USO1: variants seen among roughly 807,000 people sequenced by gnomAD.
USO1 encodes USO1 vesicle transport factor.
USO1 carries 57 observed loss-of-function variants against 124.5 expected under a neutral mutation model. The observed-to-expected ratio is 0.46, with a 90% CI of 0.37 to 0.57. The LOEUF (loss-of-function observed/expected upper bound fraction) is 0.57. Among genes scored for constraint, USO1 ranks in the 20% least tolerant of loss-of-function variants. USO1 has a pLI of 0.00. For synonymous variants in USO1, 369 were observed against 362.8 expected, an observed-to-expected ratio of 1.02 and a Z score of -0.19; for missense variants, 900 against 1,040.6, an observed-to-expected ratio of 0.86 and a Z score of 1.86.
chr4:75,725,957 C>T (rs1720429551), intron 1 of USO1, among the ~76,000 whole-genome samples: 3 of 152,236 alleles, frequency 2.0e-5, no homozygotes, highest in Admixed American at 1.3e-4. Flanking sequence ...TGAGAGTATT[C>T]TCACCTTAAA....
chr4:75,770,278 A>G (rs1271432537), intron 4 of USO1, 161 bp from the exon 5 acceptor site: 1 of 503,410 alleles, frequency 2.0e-6, no homozygotes, highest in Non-Finnish European at 3.2e-6. Context: ...TATTTTAAGG[A>G]TATAGCTTTA....
chr4:75,754,988 C>T (rs1233678102), intron 3 of USO1, among the ~76,000 whole-genome samples: 1 of 152,202 alleles, frequency 6.6e-6, no homozygotes, highest in African/African-American at 2.4e-5. Flanking sequence ...CTGCAGTCAT[C>T]TGAAGGCTTG....
At chr4:75,730,377 G>A (rs1720595461) in intron 1 of USO1, among the ~76,000 whole-genome samples, 1 of 152,118 alleles carries the variant, frequency 6.6e-6, no homozygotes, top group Non-Finnish European at 1.5e-5. Flanking sequence ...TTGTAAGCAG[G>A]CACTGTGTTA....
At chr4:75,771,726 C>T (rs1721938778) in intron 7 of USO1, among the ~76,000 whole-genome samples, 1 of 152,142 alleles carries the variant, frequency 6.6e-6, no homozygotes, top group South Asian at 2.1e-4. Flanking sequence ...ATGATTTGCT[C>T]TGGACTTATT....
Position 75,793,781 on chromosome 4 carries a change from T to C in USO1, c.1332T>C (p.Leu444=). ...CAAACTGGTGTGCTGCTGTGGCCCT[T>C]GCCCATGCGTTGCAAGAAAATGCCA... ...SLSNWCAAVA[L]AHALQENATQ... is the part of the protein sequence containing the mutation. Residue 444 remains leucine (L), a synonymous_variant, in exon 13 of 24, where the codon CTT becomes CTC. Transcript: ENST00000514213. The C allele has an allele frequency of 6.2e-7, 1 of 1,613,992 alleles. No individual in the cohort carries two copies. Among genetic ancestry groups the C allele is most frequent in the Non-Finnish European group, 8.5e-7 (1 of 1,179,882 alleles).
In USO1 at chr4:75,813,302, A is replaced by C. The variant is rs774868347; in HGVS notation, c.*7A>C. The C allele has an allele frequency of 1.9e-6, 3 of 1,590,960 alleles. No homozygotes were observed. The highest frequency in any genetic ancestry group is 2.3e-5 in the East Asian group (1 of 44,172). ...GGATCTAGATCATATCTAGTTTTCAAATCTCTAGGAACAATAGAGATTATA... is the reference window on the plus strand; with the variant it reads ...GGATCTAGATCATATCTAGTTTTCACATCTCTAGGAACAATAGAGATTATA... On this transcript the variant is annotated 3_prime_UTR_variant, in exon 24 of 24. Transcript: ENST00000514213.
intron 4 of USO1, among the ~76,000 whole-genome samples, chr4:75,766,938 A>G (rs1441244633): frequency 6.6e-6 from 1 of 152,186 alleles, no homozygotes; most frequent in Non-Finnish European, 1.5e-5. Flanking sequence ...AATGGAAATT[A>G]CCTCTACCTG....
At chr4:75,793,435 A>G (rs893320032) in intron 12 of USO1, among the ~76,000 whole-genome samples, 13 of 151,862 alleles carry the variant, frequency 8.6e-5, no homozygotes, top group Admixed American at 7.2e-4. Flanking sequence ...GTGAGCCACC[A>G]TGCCCAGCCT....
chr4:75,783,399 A>G (rs190296905), intron 9 of USO1, among the ~76,000 whole-genome samples: 5 of 152,328 alleles, frequency 3.3e-5, no homozygotes, highest in African/African-American at 1.2e-4. Context: ...TTGATCCTTT[A>G]TGGTGAAAGC....
chr4:75,807,666 C>T (rs535048739), intron 20 of USO1, among the ~76,000 whole-genome samples: 39 of 149,644 alleles, frequency 2.6e-4, no homozygotes, highest in African/African-American at 5.8e-4. Context: ...GATTAATATG[C>T]TCTTTTGGTT....
At chr4:75,759,458 G>GT (rs571010423) in intron 4 of USO1, among the ~76,000 whole-genome samples, 10 of 151,422 alleles carry the variant, frequency 6.6e-5, no homozygotes, top group Non-Finnish European at 1.5e-4. Flanking sequence ...GCTGGGCGTG[G>GT]TCGCACACAC....
chr4:75,775,464 G>A (rs910975547), intron 8 of USO1, among the ~76,000 whole-genome samples: 8 of 152,094 alleles, frequency 5.3e-5, no homozygotes, highest in Non-Finnish European at 8.8e-5. Flanking sequence ...ACTTGAACCC[G>A]GGAGGTGGAG....
chr4:75,735,114 G>A (rs1369428579), intron 1 of USO1, among the ~76,000 whole-genome samples: 1 of 152,074 alleles, frequency 6.6e-6, no homozygotes, highest in Non-Finnish European at 1.5e-5. Context: ...TTTCAGCAAT[G>A]TTTTATAGTT....
chr4:75,800,519 T>C (rs1254109246), intron 15 of USO1, 50 bp downstream of exon 15: 1 of 327,660 alleles, frequency 3.1e-6, no homozygotes, highest in African/African-American at 6.9e-5. Context: ...ATAATGATGC[T>C]TTTTTTTTTT....
At chr4:75,786,656 T>C (rs1398607885) in intron 9 of USO1, among the ~76,000 whole-genome samples, 2 of 152,190 alleles carry the variant, frequency 1.3e-5, no homozygotes, top group East Asian at 1.9e-4. Context: ...TTAGGGGAGA[T>C]TTATCACACA....
At chr4:75,799,195 T>A (rs1449786813) in intron 13 of USO1, among the ~76,000 whole-genome samples, 1 of 152,034 alleles carries the variant, frequency 6.6e-6, no homozygotes, top group Admixed American at 6.6e-5. Flanking sequence ...TTTTGGTTTT[T>A]TTTGAAGGAA....
intron 19 of USO1, among the ~76,000 whole-genome samples, chr4:75,805,975 T>C (rs1282136912): frequency 1.3e-5 from 2 of 152,080 alleles, no homozygotes; most frequent in South Asian, 2.1e-4. Context: ...AATAAATTGC[T>C]CGGTAAAATA....
At position 75,793,715 on chromosome 4, in the gene USO1, C is replaced by A; in HGVS notation, c.1266C>A (p.Gly422=). ...CAACAGGTAATTCAGTTTCAGCTGG[C>A]CAGTTATTATGTGGAGGTTTGTTTT... ...IDATGNSVSA[G]QLLCGGLFST... is the part of the protein sequence containing the mutation. The change falls in exon 13 of 24, where the codon GGC becomes GGA. Residue 422 remains glycine, a synonymous_variant. Coordinates refer to ENST00000514213, the MANE Select transcript of USO1 (RefSeq NM_003715.4). The A allele has an allele frequency of 6.2e-7, 1 of 1,610,962 alleles. No homozygotes were observed. Among genetic ancestry groups the A allele is most frequent in the East Asian group, 2.2e-5 (1 of 44,742 alleles).
At chr4:75,739,331 T>C (rs1228289729) in intron 1 of USO1, among the ~76,000 whole-genome samples, 1 of 152,180 alleles carries the variant, frequency 6.6e-6, no homozygotes, top group East Asian at 1.9e-4. Flanking sequence ...AATATATTTG[T>C]ATCGCACAAA....
Sources: gnomAD v4.1 joint callset for allele counts (sites outside exome capture counted in the v4.1 genomes callset) on GRCh38, gnomAD v4.1.1 for gene constraint, MANE v1.5 for transcripts, NCBI Gene and HGNC (gene_info 2026-07-23, HGNC 2026-07-21) for gene names.